Variants in HNRNPH1 observed in about 807,000 individuals in gnomAD.
HNRNPH1 encodes heterogeneous nuclear ribonucleoprotein H.
Under a neutral mutation model 58.6 loss-of-function variants are expected in HNRNPH1, and 4 were observed. That is an observed-to-expected ratio of 0.07 (90% CI 0.03 to 0.16). The LOEUF is 0.16. HNRNPH1 is among the 10% of genes least tolerant of loss of function. The pLI is 1.00. For synonymous variants in HNRNPH1, 192 were observed against 189.2 expected (o/e 1.01, Z -0.12); for missense variants, 271 against 564.2 (o/e 0.48, Z 5.26).
chr5:179,632,729 A>G (rs1267992239), intron 2 of HNRNPH1, among the ~76,000 whole-genome samples: 2 of 140,490 alleles, frequency 1.4e-5, no homozygotes, highest in Non-Finnish European at 3.0e-5. Context: ...CAGGTCACTC[A>G]CTGTCTAAAG....
At chr5:179,615,084 C>T (rs1385302834) in intron 12 of HNRNPH1, 125 bp from the exon 14 acceptor site, 3 of 664,170 alleles carry the variant, frequency 4.5e-6, no homozygotes, top group Non-Finnish European at 8.1e-6. Flanking sequence ...AGTGGCGAGA[C>T]GCATGTTTGG....
At chr5:179,620,773 A>G in intron 3 of HNRNPH1, 119 bp downstream of exon 4, 1 of 814,614 alleles carries the variant, frequency 1.2e-6, no homozygotes, top group South Asian at 1.7e-5. Flanking sequence ...GAAAACATTA[A>G]TTCATTGGCA....
At chr5:179,623,226 G>C (rs1436084972) in exon 1 of HNRNPH1, 2 of 874,014 alleles carry the variant, frequency 2.3e-6, no homozygotes, top group Non-Finnish European at 3.5e-6. Flanking sequence ...CCTCCGAGGC[G>C]CGCCCGGGCC....
intron 2 of HNRNPH1, among the ~76,000 whole-genome samples, chr5:179,631,494 C>T (rs1774825749): frequency 6.6e-6 from 1 of 151,536 alleles, no homozygotes; most frequent in South Asian, 2.1e-4. Context: ...ACCTGTAATC[C>T]TAGCACTTTG....
intron 2 of HNRNPH1, among the ~76,000 whole-genome samples, chr5:179,631,328 T>A (rs889001247): frequency 6.6e-6 from 1 of 152,068 alleles, no homozygotes; most frequent in Admixed American, 6.5e-5. Context: ...AAAAATGATC[T>A]AGGTTCCGTG....
intron 1 of HNRNPH1, among the ~76,000 whole-genome samples, chr5:179,622,323 ATAT>A (rs1176519608): frequency 6.6e-6 from 1 of 152,254 alleles, no homozygotes; most frequent in Non-Finnish European, 1.5e-5. Context: ...ACACTTCAAG[ATAT>A]TGCAAAACAT....
chr5:179,615,426 C>T, intron 12 of HNRNPH1, 120 bp downstream of exon 13: 1 of 561,444 alleles, frequency 1.8e-6, no homozygotes, highest in Non-Finnish European at 3.2e-6. Context: ...AGGCAACTCA[C>T]TGTGCCCAAA....
At chr5:179,615,550 G>A in exon 12 of HNRNPH1, 1 of 1,512,044 alleles carries the variant, frequency 6.6e-7, no homozygotes, top group Non-Finnish European at 9.2e-7. Flanking sequence ...ATTTACCTAT[G>A]CAATGTTTGA....
chr5:179,619,053 A>T, intron 4 of HNRNPH1: 1 of 410,432 alleles, frequency 2.4e-6, no homozygotes, highest in Admixed American at 4.4e-5. Flanking sequence ...AATAAGACTC[A>T]CAAAATTGTC....
At chr5:179,625,959 A>ATTTT (rs1192838060), upstream of HNRNPH1, among the ~76,000 whole-genome samples, 6 of 150,356 alleles carry the variant, frequency 4.0e-5, no homozygotes, top group Admixed American at 1.3e-4. Flanking sequence ...TTATTTATTT[A>ATTTT]TTTATTTTTT....
chr5:179,625,203 GA>G (rs1774256622), upstream of HNRNPH1, among the ~76,000 whole-genome samples: 1 of 152,158 alleles, frequency 6.6e-6, no homozygotes, highest in Admixed American at 6.5e-5. Context: ...AGGTAATCAA[GA>G]AGAGAGTCCG....
exon 13 of HNRNPH1, chr5:179,614,856 A>C: frequency 3.3e-6 from 5 of 1,520,712 alleles, no homozygotes; most frequent in Non-Finnish European, 4.5e-6. Flanking sequence ...TTCCCCATCC[A>C]CCACTCATAC....
At chr5:179,619,226 A>AC (rs758145592) in intron 4 of HNRNPH1, 43 bp downstream of exon 5, 3 of 1,512,134 alleles carry the variant, frequency 2.0e-6, no homozygotes, top group South Asian at 2.4e-5. Context: ...TTAATTGTTT[A>AC]CCATAAGAAA....
chr5:179,622,175 G>A (rs1313823155), intron 1 of HNRNPH1, among the ~76,000 whole-genome samples: 1 of 152,130 alleles, frequency 6.6e-6, no homozygotes, highest in Non-Finnish European at 1.5e-5. Context: ...TGTATAGTGA[G>A]CCAGATTAAG....
chr5:179,618,401 C>G, intron 4 of HNRNPH1, 78 bp from the exon 6 acceptor site: 1 of 981,900 alleles, frequency 1.0e-6, no homozygotes, highest in East Asian at 2.4e-5. Context: ...TTTAGTTATA[C>G]AAGAAAACAA....
At chr5:179,621,729 G>T (rs915382922) in intron 1 of HNRNPH1, 4 of 385,982 alleles carry the variant, frequency 1.0e-5, no homozygotes, top group South Asian at 2.2e-5. Context: ...GTGACTTTAC[G>T]GCAAACATAC....
At chr5:179,625,951 A>ATTTTTTTTTTTTTTTTTTTT (rs1381471661), upstream of HNRNPH1, among the ~76,000 whole-genome samples, 1 of 149,790 alleles carries the variant, frequency 6.7e-6, no homozygotes, top group African/African-American at 2.5e-5. Flanking sequence ...TTATTTATTT[A>ATTTTTTTTTTTTTTTTTTTT]TTTATTTATT....
chr5:179,617,785 C>T lies in HNRNPH1; in HGVS notation c.921+14G>A. The T allele has an allele frequency of 6.2e-7, 1 of 1,610,476 alleles. No individual in the cohort carries two copies. Among genetic ancestry groups the T allele is most frequent in the Non-Finnish European group, 8.5e-7 (1 of 1,176,812 alleles). ...ATACTGAAATATTGACTTGTGAGTT[C>T]ATCTCACACTTACATTATAAATGTC... On this transcript the variant is annotated intron_variant, in intron 7 of 12. Coordinates refer to ENST00000356731, the Ensembl canonical transcript of HNRNPH1.
upstream of HNRNPH1, among the ~76,000 whole-genome samples, chr5:179,627,126 G>C (rs1011264017): frequency 2.0e-5 from 3 of 152,108 alleles, no homozygotes; most frequent in Non-Finnish European, 2.9e-5. Context: ...CTTTATTAAG[G>C]CTGTTAGCCC....
Sources: gnomAD v4.1 joint callset for allele counts (sites outside exome capture counted in the v4.1 genomes callset) on GRCh38, gnomAD v4.1.1 for gene constraint, MANE v1.5 for transcripts, NCBI Gene and HGNC (gene_info 2026-07-23, HGNC 2026-07-21) for gene names.